The following RMND5A variants were observed in gnomAD, a reference collection of about 807,000 sequenced individuals.
The protein encoded by RMND5A is E3 ubiquitin-protein transferase RMND5A.
Under a neutral mutation model 49.7 loss-of-function variants are expected in RMND5A, and 17 were observed. The observed-to-expected ratio is 0.34, with a 90% CI of 0.23 to 0.51. The LOEUF (loss-of-function observed/expected upper bound fraction) is 0.51, where lower values mean the gene tolerates loss of function less well. RMND5A is among the 20% of genes least tolerant of loss of function. The pLI is 0.96. For synonymous variants in RMND5A, 156 were observed against 167.7 expected (o/e 0.93, Z 0.54); for missense variants, 255 against 471.3 (o/e 0.54, Z 4.25).
At chr2:86,769,542 T>C (rs915192783) in intron 6 of RMND5A, among the ~76,000 whole-genome samples, 1 of 152,218 alleles carries the variant, frequency 6.6e-6, no homozygotes, top group Non-Finnish European at 1.5e-5. Context: ...AAGAGTGTAG[T>C]AGTTCTTAAT....
chr2:86,770,572 C>T (rs982928326), intron 7 of RMND5A, among the ~76,000 whole-genome samples: 2 of 152,208 alleles, frequency 1.3e-5, no homozygotes, highest in African/African-American at 4.8e-5. Flanking sequence ...GTCGTAACAC[C>T]TGCAGTCATC....
chr2:86,742,701 A>C (rs1317336673), intron 2 of RMND5A, among the ~76,000 whole-genome samples: 2 of 151,754 alleles, frequency 1.3e-5, no homozygotes, highest in East Asian at 1.9e-4. Flanking sequence ...ACAGTGACCA[A>C]GGCATCCTGG....
intron 2 of RMND5A, among the ~76,000 whole-genome samples, chr2:86,742,262 C>T (rs561153991): frequency 6.0e-5 from 9 of 149,810 alleles, no homozygotes; most frequent in Non-Finnish European, 1.3e-4. Context: ...GTTCCAGCCA[C>T]GTTGTTATGT....
chr2:86,764,785 A>G (rs1387999132), intron 4 of RMND5A, among the ~76,000 whole-genome samples: 1 of 152,214 alleles, frequency 6.6e-6, no homozygotes, highest in Non-Finnish European at 1.5e-5. Flanking sequence ...GTGACACATG[A>G]GAGTCATTCT....
chr2:86,767,466 T>G lies in RMND5A; in HGVS notation c.854+1442T>G, dbSNP rs1009242650. 1.3e-4 allele frequency among the ~76,000 whole-genome samples: 19 copies of G among 151,696 alleles called. 1 individual carries two copies. The highest frequency in any genetic ancestry group is 2.2e-4 in the Non-Finnish European group (15 of 67,962). On this transcript the variant is annotated intron_variant, in intron 6 of 8. Transcript: ENST00000283632. ...TTTTTTGTCTTTTTTCTTAAATTTTTAAGACATTCTTGCTATGTTGTTCAG... is the reference window on the plus strand; with the variant it reads ...TTTTTTGTCTTTTTTCTTAAATTTTGAAGACATTCTTGCTATGTTGTTCAG...
chr2:86,744,480 C>T (rs562299607), intron 2 of RMND5A, among the ~76,000 whole-genome samples: 81 of 152,238 alleles, frequency 5.3e-4, no homozygotes, highest in African/African-American at 1.9e-3. Flanking sequence ...ATGCTCCCAC[C>T]CTTACAGGAT....
intron 3 of RMND5A, among the ~76,000 whole-genome samples, chr2:86,753,108 TC>T (rs1681664460): frequency 6.6e-6 from 1 of 152,192 alleles, no homozygotes; most frequent in East Asian, 1.9e-4. Flanking sequence ...CCTCTGTTAT[TC>T]CCAGGGTGTC....
In RMND5A at chr2:86,765,898, A is replaced by G. The variant is rs1672583063; in HGVS notation, c.728A>G (p.Gln243Arg). 1 of 1,613,994 alleles carries G rather than the reference A, an allele frequency of 6.2e-7. No individual in the cohort carries two copies. The highest frequency in any genetic ancestry group is 8.5e-7 in the Non-Finnish European group (1 of 1,180,018). The change falls in exon 6 of 9, where the codon CAA (glutamine) becomes CGA (arginine). Residue 243 changes from glutamine (Q) to arginine (R), a missense_variant. Coordinates refer to ENST00000283632, the MANE Select transcript of RMND5A (RefSeq NM_022780.4). ...VLMGSLVYLR[Q>R]GIENSPYVHL... ...ATGGGAAGCCTTGTGTACCTGAGACAAGGGATTGAGAACTCACCATATGTT... is the reference window on the plus strand; with the variant it reads ...ATGGGAAGCCTTGTGTACCTGAGACGAGGGATTGAGAACTCACCATATGTT...
Position 86,771,563 on chromosome 2 carries a change from A to G in RMND5A, c.963A>G (p.Glu321=). ...VWNQKDELPI[E]VDLGKKCWYH... ...TTTTTTTTTTTTTTTAACAGATTGA[A>G]GTGGACCTTGGTAAAAAGTGCTGGT... The change falls in exon 8 of 9, where the codon GAA becomes GAG. Residue 321 remains glutamate (E), a synonymous_variant. Coordinates refer to ENST00000283632, the MANE Select transcript of RMND5A (RefSeq NM_022780.4). 1 of 1,598,758 alleles carries G rather than the reference A, an allele frequency of 6.3e-7. No individual in the cohort carries two copies. Among genetic ancestry groups the G allele is most frequent in the Non-Finnish European group, 8.5e-7 (1 of 1,173,886 alleles).
At chr2:86,758,884 T>C (rs959398259) in intron 4 of RMND5A, among the ~76,000 whole-genome samples, 5 of 152,256 alleles carry the variant, frequency 3.3e-5, no homozygotes, top group Admixed American at 2.0e-4. Context: ...TCTGAATTTT[T>C]TTAAGCATTT....
chr2:86,771,649 T>C lies in RMND5A; in HGVS notation c.1049T>C (p.Met350Thr), dbSNP rs1235997112. Reference sequence around the variant, plus strand: ...CAAACAACAGATAACAATCCACCCATGAAATTGGTCTGTGGTCATATTATA... The same window carrying C: ...CAAACAACAGATAACAATCCACCCACGAAATTGGTCTGTGGTCATATTATA... ...RQQTTDNNPP[M>T]KLVCGHIISR... The change falls in exon 8 of 9, where the codon ATG becomes ACG. Residue 350 changes from methionine (M) to threonine (T), a missense_variant. By Grantham distance (81) the Met-to-Thr change is moderately conservative. Transcript: ENST00000283632. The C allele has an allele frequency of 6.2e-7, 1 of 1,613,508 alleles. No individual in the cohort carries two copies. Among genetic ancestry groups the C allele is most frequent in the East Asian group, 2.2e-5 (1 of 44,848 alleles).
At chr2:86,769,975 G>A (rs1672662525) in intron 6 of RMND5A, 48 bp from the exon 7 acceptor site, 5 of 1,369,088 alleles carry the variant, frequency 3.7e-6, no homozygotes, top group African/African-American at 2.9e-5. Context: ...TGGACCAAGC[G>A]GCCTGACCCC....
In RMND5A at chr2:86,771,534, T is replaced by A. The variant is rs758581815; in HGVS notation, c.958-24T>A. On this transcript the variant is annotated intron_variant, in intron 7 of 8. Transcript: ENST00000283632. ...TTGTGAAATATGACTTCAGCTTTTT[T>A]ACTTTTTTTTTTTTTTTTAACAGAT... 2.1e-5 allele frequency: 32 copies of A among 1,544,720 alleles called. 2 individuals are homozygous for A. The South Asian group carries it at 3.4e-4, about 16-fold the overall frequency.
chr2:86,751,170 C>G (rs1275075615), intron 2 of RMND5A, among the ~76,000 whole-genome samples: 1 of 152,166 alleles, frequency 6.6e-6, no homozygotes, highest in Non-Finnish European at 1.5e-5. Context: ...TTTTAGCAGG[C>G]AATCAACCTT....
At chr2:86,751,184 GGATTCAGGCC>G (rs1393458537) in intron 2 of RMND5A, among the ~76,000 whole-genome samples, 1 of 152,124 alleles carries the variant, frequency 6.6e-6, no homozygotes, top group Middle Eastern at 3.2e-3. Context: ...CAACCTTGTT[GGATTCAGGCC>G]ACAAGTTCTA....
At chr2:86,721,723 T>G (rs775859748) in intron 1 of RMND5A, among the ~76,000 whole-genome samples, 7 of 151,334 alleles carry the variant, frequency 4.6e-5, no homozygotes, top group African/African-American at 7.4e-5. Flanking sequence ...AAGGACTTAT[T>G]TAATGGGTCT....
intron 2 of RMND5A, among the ~76,000 whole-genome samples, chr2:86,744,875 C>T (rs1338923245): frequency 1.3e-5 from 2 of 151,946 alleles, no homozygotes; most frequent in African/African-American, 2.4e-5. Context: ...TTCATTTTTG[C>T]GTAGAGATGT....
At chr2:86,754,750 AG>A (rs748991122) in intron 4 of RMND5A, among the ~76,000 whole-genome samples, 2 of 152,074 alleles carry the variant, frequency 1.3e-5, no homozygotes, top group Non-Finnish European at 2.9e-5. Context: ...TTGTAGAGAC[AG>A]GATCTCACTA....
rs915283212 is a variant in RMND5A at position 86,776,141 on chromosome 2, A to G, written c.*2730A>G. 21 of 152,222 alleles carry G rather than the reference A, an allele frequency of 1.4e-4. No homozygotes were observed. 9.4% of individuals were successfully genotyped at this position (152,222 alleles called of 1,614,324 possible). ...CTAAACCAATAAAACCTTATTAGCA[A>G]ATCTTTAGATTCTGACTTAGCCAGA... On this transcript the variant is annotated 3_prime_UTR_variant, in exon 9 of 9. Coordinates refer to ENST00000283632, the MANE Select transcript of RMND5A (RefSeq NM_022780.4).
Sources: gnomAD v4.1 joint callset for allele counts (sites outside exome capture counted in the v4.1 genomes callset) on GRCh38, gnomAD v4.1.1 for gene constraint, MANE v1.5 for transcripts, NCBI Gene and HGNC (gene_info 2026-07-23, HGNC 2026-07-21) for gene names.